The following NCALD variants were observed in gnomAD, a reference collection of about 807,000 sequenced individuals.
The protein encoded by NCALD is neurocalcin delta.
In NCALD, 10 loss-of-function variants were observed where a neutral mutation model predicts 18.6. That is an observed-to-expected ratio of 0.54 (90% CI 0.33 to 0.91). The LOEUF is 0.91. NCALD is among the 40% of genes least tolerant of loss of function. NCALD has a pLI of 0.03. For synonymous variants in NCALD, 88 were observed against 87.4 expected, an observed-to-expected ratio of 1.01 and a Z score of -0.04; for missense variants, 184 against 247.6, an observed-to-expected ratio of 0.74 and a Z score of 1.72.
chr8:101,888,212 T>C (rs1458976340), intron 3 of NCALD, among the ~76,000 whole-genome samples: 1 of 151,826 alleles, frequency 6.6e-6, no homozygotes, highest in Non-Finnish European at 1.5e-5. Flanking sequence ...AAAGGGAAAG[T>C]GGGAAGTGGA....
chr8:101,994,553 G>A (rs1821166189), intron 2 of NCALD, among the ~76,000 whole-genome samples: 2 of 152,204 alleles, frequency 1.3e-5, no homozygotes, highest in African/African-American at 4.8e-5. Flanking sequence ...AGCCACACTA[G>A]CACAGTGGTT....
intron 4 of NCALD, among the ~76,000 whole-genome samples, chr8:101,837,089 C>G (rs570458259): frequency 6.6e-6 from 1 of 152,282 alleles, no homozygotes; most frequent in East Asian, 1.9e-4. Context: ...GATTCTTCTT[C>G]CTGCTCTCAG....
Position 102,086,823 on chromosome 8 carries a change from C to T in NCALD, c.-210+37414G>A, listed in dbSNP as rs545176377. Among the ~76,000 whole-genome samples the T allele has an allele frequency of 1.4e-4, 22 of 152,248 alleles. No individual in the cohort carries two copies. In the South Asian group the frequency reaches 2.7e-3, roughly 19 times the overall value. Reference sequence around the variant, plus strand: ...TAGGAGATCAGCACAAGATACAGGTCATAAATATATTGCTGATAAAACAGG... The same window carrying T: ...TAGGAGATCAGCACAAGATACAGGTTATAAATATATTGCTGATAAAACAGG... On this transcript the variant is annotated intron_variant, in intron 1 of 6. Coordinates refer to the NCALD transcript ENST00000311028.
At chr8:101,799,776 G>C (rs1435081053) in intron 4 of NCALD, among the ~76,000 whole-genome samples, 1 of 152,180 alleles carries the variant, frequency 6.6e-6, no homozygotes, top group Non-Finnish European at 1.5e-5. Context: ...GGAGCAGGTA[G>C]GGAAGCCAGG....
intron 2 of NCALD, among the ~76,000 whole-genome samples, chr8:101,980,192 A>G (rs1422212595): frequency 4.6e-5 from 7 of 152,172 alleles, no homozygotes; most frequent in African/African-American, 1.7e-4. Context: ...AGGGGAAAAT[A>G]TACAACCCCA....
At chr8:101,725,976 G>A (rs567115861) in intron 1 of NCALD, among the ~76,000 whole-genome samples, 23 of 152,316 alleles carry the variant, frequency 1.5e-4, no homozygotes, top group African/African-American at 5.3e-4. Flanking sequence ...CACTGAGAAA[G>A]CAACACTGGG....
At chr8:102,109,294 T>C (rs1825571105) in intron 1 of NCALD, among the ~76,000 whole-genome samples, 1 of 144,354 alleles carries the variant, frequency 6.9e-6, no homozygotes, top group Non-Finnish European at 1.5e-5. Context: ...TTTATGGAAA[T>C]GAAAGGTTTT....
chr8:101,707,550 T>C (rs551040136), intron 2 of NCALD, among the ~76,000 whole-genome samples: 1 of 152,330 alleles, frequency 6.6e-6, no homozygotes, highest in South Asian at 2.1e-4. Context: ...AACTTTCCTG[T>C]TGTGGGTTGC....
At chr8:101,878,822 G>A (rs922286337) in intron 4 of NCALD, among the ~76,000 whole-genome samples, 1 of 152,200 alleles carries the variant, frequency 6.6e-6, no homozygotes, top group Non-Finnish European at 1.5e-5. Context: ...TTTGGAGGCA[G>A]AAACTGCTAC....
At chr8:101,916,197 G>A (rs938476119) in intron 2 of NCALD, among the ~76,000 whole-genome samples, 1 of 152,128 alleles carries the variant, frequency 6.6e-6, no homozygotes, top group Non-Finnish European at 1.5e-5. Context: ...TTTCAGTTCA[G>A]AGCAAGCACC....
At chr8:101,912,197 T>TA (rs1478227028) in intron 3 of NCALD, among the ~76,000 whole-genome samples, 2 of 151,824 alleles carry the variant, frequency 1.3e-5, no homozygotes, top group African/African-American at 4.8e-5. Context: ...ATAAAAAAAC[T>TA]AAACAGTATC....
chr8:102,013,094 C>T (rs1821962618), intron 2 of NCALD, among the ~76,000 whole-genome samples: 1 of 152,114 alleles, frequency 6.6e-6, no homozygotes, highest in African/African-American at 2.4e-5. Context: ...GCACATAAAA[C>T]AAAAACGTTT....
At chr8:102,000,658 G>A (rs1177250209) in intron 2 of NCALD, among the ~76,000 whole-genome samples, 1 of 152,156 alleles carries the variant, frequency 6.6e-6, no homozygotes, top group African/African-American at 2.4e-5. Context: ...CACACAGCTG[G>A]GTAGTCCTCT....
intron 2 of NCALD, among the ~76,000 whole-genome samples, chr8:101,918,951 G>A (rs1454734992): frequency 2.0e-5 from 3 of 152,048 alleles, no homozygotes; most frequent in Non-Finnish European, 4.4e-5. Context: ...CTAGAGATTC[G>A]ATGCTATTCC....
Position 101,856,752 on chromosome 8 carries a change from C to A in NCALD, c.-20+30389G>T, listed in dbSNP as rs1815336797. ...TTACCCAGCCCCATAGCTTGCTGCT[C>A]TCCACAAAGCCAGATCCAGTCCTCA... On this transcript the variant is annotated intron_variant, in intron 4 of 6. Coordinates refer to the NCALD transcript ENST00000311028. 2.0e-5 allele frequency among the ~76,000 whole-genome samples: 3 copies of A among 152,118 alleles called. No homozygotes were observed. In the South Asian group the frequency reaches 6.2e-4, roughly 32 times the overall value.
At chr8:101,707,827 T>C (rs116956169) in intron 2 of NCALD, among the ~76,000 whole-genome samples, 3,919 of 151,948 alleles carry the variant, frequency 0.026, 131 homozygotes, top group African/African-American at 0.078. Flanking sequence ...GTGATTGCAC[T>C]ACTGCACTCC....
intron 4 of NCALD, among the ~76,000 whole-genome samples, chr8:101,842,413 T>C (rs376166497): frequency 1.3e-5 from 2 of 152,314 alleles, no homozygotes; most frequent in African/African-American, 2.4e-5. Context: ...CCTCTGCAAG[T>C]GATAGAAATT....
At chr8:101,843,580 T>A (rs1223344341) in intron 4 of NCALD, among the ~76,000 whole-genome samples, 3 of 139,564 alleles carry the variant, frequency 2.1e-5, no homozygotes, top group Non-Finnish European at 4.5e-5. Flanking sequence ...TCTTTAAAAA[T>A]TGTTTTTTTT....
At chr8:101,809,194 G>A (rs1485917558) in intron 4 of NCALD, among the ~76,000 whole-genome samples, 1 of 152,160 alleles carries the variant, frequency 6.6e-6, no homozygotes, top group Non-Finnish European at 1.5e-5. Flanking sequence ...TAATGTTCAT[G>A]CAAAGACTGT....
Sources: gnomAD v4.1 joint callset for allele counts (sites outside exome capture counted in the v4.1 genomes callset) on GRCh38, gnomAD v4.1.1 for gene constraint, MANE v1.5 for transcripts, NCBI Gene and HGNC (gene_info 2026-07-23, HGNC 2026-07-21) for gene names.